FAM13B: variants seen among roughly 807,000 people sequenced by gnomAD.
The protein encoded by FAM13B is protein FAM13B.
FAM13B carries 60 observed loss-of-function variants against 117.3 expected under a neutral mutation model. The ratio of observed to expected loss-of-function variants is 0.51; its 90% confidence interval spans 0.42 to 0.63. FAM13B has a LOEUF of 0.63. Ranked by LOEUF, FAM13B falls within the 30% of genes least tolerant of loss-of-function variation. FAM13B has a pLI of 0.00. For synonymous variants in FAM13B, 332 were observed against 356.1 expected, an observed-to-expected ratio of 0.93 and a Z score of 0.76; for missense variants, 972 against 1,091.9, an observed-to-expected ratio of 0.89 and a Z score of 1.55.
At chr5:137,942,089 T>C in intron 22 of FAM13B, 44 bp from the exon 23 acceptor site, 1 of 1,491,854 alleles carries the variant, frequency 6.7e-7, no homozygotes. Context: ...ACTTGATTCA[T>C]TATATTCTTA....
chr5:137,960,052 G>T, intron 12 of FAM13B, 114 bp downstream of exon 12: 1 of 724,714 alleles, frequency 1.4e-6, no homozygotes, highest in Non-Finnish European at 2.3e-6. Flanking sequence ...AAAATATTTG[G>T]TAAGAGTATT....
chr5:137,951,904 G>C (rs1765154002), intron 17 of FAM13B, among the ~76,000 whole-genome samples: 2 of 152,040 alleles, frequency 1.3e-5, no homozygotes, highest in African/African-American at 4.8e-5. Context: ...TTGAACCCAG[G>C]AGGCAGAGGT....
At chr5:137,980,968 A>G (rs941901274) in intron 10 of FAM13B, among the ~76,000 whole-genome samples, 2 of 150,634 alleles carry the variant, frequency 1.3e-5, no homozygotes, top group Non-Finnish European at 3.0e-5. Context: ...GCTGAACTGC[A>G]GTGGTGTGAT....
At chr5:138,038,202 G>A (rs1335225889) in intron 1 of FAM13B, among the ~76,000 whole-genome samples, 1 of 151,972 alleles carries the variant, frequency 6.6e-6, no homozygotes, top group African/African-American at 2.4e-5. Context: ...GAACCACTAA[G>A]AATTCCCCCA....
chr5:137,954,425 TG>T, intron 14 of FAM13B, 49 bp from the exon 15 acceptor site: 2 of 1,510,926 alleles, frequency 1.3e-6, no homozygotes, highest in Non-Finnish European at 9.0e-7. Context: ...TGATTCCACG[TG>T]GGAAAAAAGT....
At chr5:137,985,991 T>G (rs997818211) in intron 9 of FAM13B, among the ~76,000 whole-genome samples, 1 of 152,202 alleles carries the variant, frequency 6.6e-6, no homozygotes, top group Non-Finnish European at 1.5e-5. Context: ...TTTGAAACAT[T>G]TTCCCACTAT....
chr5:138,016,398 G>C (rs770445924), intron 4 of FAM13B, among the ~76,000 whole-genome samples: 1 of 152,190 alleles, frequency 6.6e-6, no homozygotes, highest in African/African-American at 2.4e-5. Context: ...ACTGAGACAG[G>C]AGGATCACTT....
At chr5:138,000,366 TC>T (rs1169575537) in intron 7 of FAM13B, among the ~76,000 whole-genome samples, 1 of 152,066 alleles carries the variant, frequency 6.6e-6, no homozygotes, top group Non-Finnish European at 1.5e-5. Flanking sequence ...GCCACTGCAC[TC>T]CAGCCTGGGT....
rs981491900 is a variant in FAM13B at position 138,030,716 on chromosome 5, C to CA, written c.-203+2065_-203+2066insT. On this transcript the variant is annotated intron_variant, in intron 1 of 23. Transcript: ENST00000689681. ...GCAACAAGAATGAAACTCCGTCCCC[C>CA]CCCCCCAAAAAAAAAAATTGAACGT... Among the ~76,000 whole-genome samples the CA allele has an allele frequency of 3.0e-4, 42 of 141,662 alleles. 1 individual carries two copies. The highest frequency in any genetic ancestry group is 8.5e-4 in the Admixed American group (12 of 14,196). 92.9% of individuals were successfully genotyped at this position (141,662 alleles called of 152,430 possible).
At chr5:138,015,477 CA>C (rs1785034258) in intron 4 of FAM13B, among the ~76,000 whole-genome samples, 1 of 152,080 alleles carries the variant, frequency 6.6e-6, no homozygotes, top group Non-Finnish European at 1.5e-5. Context: ...CCAAGGTGGG[CA>C]GATCACTTGA....
chr5:138,033,407 G>T (rs777781876), upstream of FAM13B, among the ~76,000 whole-genome samples: 5 of 152,204 alleles, frequency 3.3e-5, no homozygotes, highest in Non-Finnish European at 7.3e-5. Flanking sequence ...AGGCCCCCAG[G>T]GCGCCCATAT....
chr5:137,958,643 T>C (rs542183643), intron 13 of FAM13B, among the ~76,000 whole-genome samples: 1 of 152,358 alleles, frequency 6.6e-6, no homozygotes, highest in East Asian at 1.9e-4. Context: ...CTTAAGATTC[T>C]TGAGTTATCT....
chr5:137,943,710 A>T (rs1284419438), intron 20 of FAM13B, among the ~76,000 whole-genome samples: 2 of 152,028 alleles, frequency 1.3e-5, no homozygotes, highest in African/African-American at 4.8e-5. Flanking sequence ...GTACCACCAC[A>T]CTCCAGCCTG....
At chr5:138,048,142 A>G (rs1288250829) in intron 1 of FAM13B, among the ~76,000 whole-genome samples, 1 of 152,208 alleles carries the variant, frequency 6.6e-6, no homozygotes, top group Non-Finnish European at 1.5e-5. Flanking sequence ...ACAGAAAAAT[A>G]AAGCAGAAAG....
At position 138,019,140 on chromosome 5, in the gene FAM13B, G is replaced by A. The variant is rs1404499654; in HGVS notation, c.-29C>T. The A allele has an allele frequency of 6.3e-7, 1 of 1,577,552 alleles. No individual in the cohort carries two copies. On this transcript the variant is annotated 5_prime_UTR_variant, in exon 3 of 24. Transcript: ENST00000689681. ...TTTTTTGCAGCCAGAAATCAAAGCT[G>A]TCTTTTCTGCCAAATGAAAGACAAA...
At chr5:138,016,048 AT>A (rs1463328931) in intron 4 of FAM13B, among the ~76,000 whole-genome samples, 2 of 152,230 alleles carry the variant, frequency 1.3e-5, no homozygotes, top group Non-Finnish European at 2.9e-5. Flanking sequence ...CATATCTTAA[AT>A]TCCTTCACAA....
At chr5:138,007,866 A>G (rs879832301) in intron 6 of FAM13B, among the ~76,000 whole-genome samples, 17 of 152,364 alleles carry the variant, frequency 1.1e-4, no homozygotes, top group Middle Eastern at 6.8e-3. Flanking sequence ...GTTATCCCAA[A>G]GAAGAAACTA....
intron 22 of FAM13B, chr5:137,942,404 G>A (rs556629697): frequency 8.7e-6 from 2 of 230,078 alleles, no homozygotes; most frequent in South Asian, 9.1e-5. Flanking sequence ...TCACTCTGTC[G>A]CCCAGGCTGG....
At chr5:137,946,840 A>G (rs1763582272) in intron 18 of FAM13B, among the ~76,000 whole-genome samples, 1 of 152,214 alleles carries the variant, frequency 6.6e-6, no homozygotes, top group South Asian at 2.1e-4. Flanking sequence ...TATTTATTCT[A>G]AACCATTAAG....
Sources: gnomAD v4.1 joint callset for allele counts (sites outside exome capture counted in the v4.1 genomes callset) on GRCh38, gnomAD v4.1.1 for gene constraint, MANE v1.5 for transcripts, NCBI Gene and HGNC (gene_info 2026-07-23, HGNC 2026-07-21) for gene names.